NDUFA3: variants seen among roughly 807,000 people sequenced by gnomAD.
NDUFA3 encodes NADH:ubiquinone oxidoreductase subunit A3, also known as NADH dehydrogenase [ubiquinone] 1 alpha subcomplex subunit 3.
Under a neutral mutation model 11.4 loss-of-function variants are expected in NDUFA3, and 10 were observed. The ratio of observed to expected loss-of-function variants is 0.87; its 90% confidence interval spans 0.54 to 1.48. The LOEUF is 1.48. Ranked by LOEUF, NDUFA3 falls within the 40% of genes most tolerant of loss-of-function variation. The probability of loss-of-function intolerance (pLI) is 0.00; values close to 1 mark genes in which losing one functional copy is unlikely to be tolerated. For synonymous variants in NDUFA3, 39 were observed against 46.9 expected (o/e 0.83, Z 0.68); for missense variants, 115 against 110.5 (o/e 1.04, Z -0.18).
rs1293866310 is a variant in NDUFA3 at position 54,106,847 on chromosome 19, C to T, written c.200C>T (p.Pro67Leu). 1.3e-5 allele frequency: 21 copies of T among 1,613,604 alleles called. No homozygotes were observed. The highest frequency in any genetic ancestry group is 1.6e-5 in the Non-Finnish European group (19 of 1,179,914). The change falls in exon 4 of 4, where the codon CCC becomes CTC. Residue 67 changes from proline (P) to leucine (L), a missense_variant. Physicochemically the swap from Pro to Leu is moderately conservative, Grantham distance 98. Coordinates refer to ENST00000485876, the MANE Select transcript of NDUFA3 (RefSeq NM_004542.4). ...VRDDGNMPDVPSHPQDPQGPS... is the reference protein window; with the variant it reads ...VRDDGNMPDVLSHPQDPQGPS... ...GATGATGGGAACATGCCCGACGTGC[C>T]CAGCCACCCCCAGGACCCTCAGGGC...
intron 2 of NDUFA3, among the ~76,000 whole-genome samples, chr19:54,104,859 C>T (rs1483796709): frequency 6.6e-6 from 1 of 151,926 alleles, no homozygotes; most frequent in Non-Finnish European, 1.5e-5. Context: ...CTGTCTCAGC[C>T]TCCTTAGTAG....
In NDUFA3 at chr19:54,103,193, G is replaced by T; in HGVS notation, c.85+5G>T. 6.3e-7 allele frequency: 1 copy of T among 1,589,616 alleles called. No individual in the cohort carries two copies. The highest frequency in any genetic ancestry group is 8.6e-7 in the Non-Finnish European group (1 of 1,164,472). Reference sequence around the variant, plus strand: ...CCTTCGTCGTCGGGGGCCTCGGTGCGTGAGTGCTCCAGGCGCAAACTTGCA... The same window carrying T: ...CCTTCGTCGTCGGGGGCCTCGGTGCTTGAGTGCTCCAGGCGCAAACTTGCA... On this transcript the variant is annotated splice_donor_5th_base_variant and intron_variant, in intron 2 of 3. Transcript: ENST00000485876.
Position 54,106,817 on chromosome 19 carries a change from T to G in NDUFA3, c.170T>G (p.Val57Gly). The G allele has an allele frequency of 6.2e-7, 1 of 1,612,286 alleles. No homozygotes were observed. Among genetic ancestry groups the G allele is most frequent in the Non-Finnish European group, 8.5e-7 (1 of 1,179,432 alleles). ...KATPYNYPVP[V>G]RDDGNMPDVP... ...CCCACCTCCTGCCCCACAGTGCCCGTCCGTGATGATGGGAACATGCCCGAC... is the reference window on the plus strand; with the variant it reads ...CCCACCTCCTGCCCCACAGTGCCCGGCCGTGATGATGGGAACATGCCCGAC... Residue 57 changes from valine (V) to glycine (G), a missense_variant, in exon 4 of 4, where the codon GTC becomes GGC. By Grantham distance (109) the Val-to-Gly change is moderately radical. Transcript: ENST00000485876.
chr19:54,102,872 G>A lies in NDUFA3; in HGVS notation c.-7G>A. On this transcript the variant is annotated 5_prime_UTR_variant, in exon 1 of 4. Coordinates refer to ENST00000485876, the MANE Select transcript of NDUFA3 (RefSeq NM_004542.4). The stretch of plus-strand genomic sequence containing the variant: ...TCCTCGCCGCTGTCGCCGCCGCGGA[G>A]ACAAAGATGGCTGCGAGTAAGTGCA... 6.2e-7 allele frequency: 1 copy of A among 1,610,072 alleles called. No individual in the cohort carries two copies. The highest frequency in any genetic ancestry group is 8.5e-7 in the Non-Finnish European group (1 of 1,177,866).
rs756841507 is a variant in NDUFA3, at chr19:54,105,955, G to C, written c.107G>C (p.Ser36Thr). 47 of 1,613,520 alleles carry C rather than the reference G, an allele frequency of 2.9e-5. No individual in the cohort carries two copies. Among genetic ancestry groups the C allele is most frequent in the Non-Finnish European group, 3.9e-5 (46 of 1,179,630 alleles). ...GGLAVILPPL[S>T]PYFKYSVMIN... ...ACAGCTGTAATTCTGCCCCCATTGA[G>C]CCCCTACTTCAAGTACTCCGTCATG... The change falls in exon 3 of 4, where the codon AGC becomes ACC. Residue 36 changes from serine to threonine, a missense_variant. Physicochemically the swap from Ser to Thr is moderately conservative, Grantham distance 58. Transcript: ENST00000485876.
At chr19:54,103,270 A>T in intron 2 of NDUFA3, 82 bp downstream of exon 2, 1 of 1,397,300 alleles carries the variant, frequency 7.2e-7, no homozygotes, top group South Asian at 1.4e-5. Context: ...CTAAAGCCCT[A>T]TCGCCGCCCT....
At position 54,106,863 on chromosome 19, in the gene NDUFA3, C is replaced by A. The variant is rs1061333; in HGVS notation, c.216C>A (p.Asp72Glu). Residue 72 changes from aspartate to glutamate, a missense_variant, in exon 4 of 4, where the codon GAC (aspartate) becomes GAA (glutamate). Coordinates refer to ENST00000485876, the MANE Select transcript of NDUFA3 (RefSeq NM_004542.4). The part of the protein sequence containing the change: ...NMPDVPSHPQ[D>E]PQGPSLEWLK... ...CCGACGTGCCCAGCCACCCCCAGGA[C>A]CCTCAGGGCCCCAGCCTGGAGTGGC... The A allele has an allele frequency of 1.8e-5, 29 of 1,613,534 alleles. No homozygotes were observed. The highest frequency in any genetic ancestry group is 2.3e-5 in the Non-Finnish European group (27 of 1,179,920).
chr19:54,106,221 CAG>C (rs1169820823), intron 3 of NDUFA3: 11 of 577,048 alleles, frequency 1.9e-5, no homozygotes, highest in Admixed American at 6.3e-5. Context: ...TTTTTTGAGA[CAG>C]AGTCTCGCTC....
chr19:54,103,061 A>T, intron 1 of NDUFA3, 53 bp from the exon 2 acceptor site: 1 of 1,589,076 alleles, frequency 6.3e-7, no homozygotes, highest in African/African-American at 1.3e-5. Flanking sequence ...AGAGGGTTAG[A>T]GGTCACCGGG....
intron 1 of NDUFA3, 27 bp from the exon 2 acceptor site, chr19:54,103,087 G>A: frequency 6.2e-7 from 1 of 1,609,288 alleles, no homozygotes; most frequent in South Asian, 1.1e-5. Context: ...CTACTTGCAG[G>A]GGTGACGCTT....
Position 54,107,310 on chromosome 19 carries a change from G to A in NDUFA3, c.*408G>A. ...GTTGCCCAGGCTGGAGTGCAGTGGTGCCATCATAGTTCACTGCAGCCTCTG... is the reference window on the plus strand; with the variant it reads ...GTTGCCCAGGCTGGAGTGCAGTGGTACCATCATAGTTCACTGCAGCCTCTG... On this transcript the variant is annotated 3_prime_UTR_variant, in exon 4 of 4. Coordinates refer to ENST00000485876, the MANE Select transcript of NDUFA3 (RefSeq NM_004542.4). 8.8e-7 allele frequency: 1 copy of A among 1,141,886 alleles called. No homozygotes were observed. Among genetic ancestry groups the A allele is most frequent in the Non-Finnish European group, 1.2e-6 (1 of 806,300 alleles). 70.7% of individuals were successfully genotyped at this position (1,141,886 alleles called of 1,614,324 possible). A position where few individuals can be genotyped will look rare whatever the true frequency, so the allele number is the denominator to read the frequency against.
Position 54,107,401 on chromosome 19 carries a change from A to T in NDUFA3, c.*499A>T. The T allele has an allele frequency of 1.8e-6, 1 of 554,970 alleles. No individual in the cohort carries two copies. The highest frequency in any genetic ancestry group is 3.1e-5 in the East Asian group (1 of 31,754). 34.4% of individuals were successfully genotyped at this position (554,970 alleles called of 1,614,324 possible). A position where few individuals can be genotyped will look rare whatever the true frequency, so the allele number is the denominator to read the frequency against. On this transcript the variant is annotated 3_prime_UTR_variant, in exon 4 of 4. Coordinates refer to ENST00000485876, the MANE Select transcript of NDUFA3 (RefSeq NM_004542.4). Reference sequence around the variant, plus strand: ...GTAGCTGGGACTACAGGCACTTGCCAACCAAGCCTAACATGTTTTTTCTTT... The same window carrying T: ...GTAGCTGGGACTACAGGCACTTGCCTACCAAGCCTAACATGTTTTTTCTTT...
chr19:54,106,096 AAGCAGTT>A (rs781080686), intron 3 of NDUFA3, 85 bp downstream of exon 3: 38 of 1,357,046 alleles, frequency 2.8e-5, no homozygotes, highest in Non-Finnish European at 3.8e-5. Flanking sequence ...GGTCTTTCCT[AAGCAGTT>A]ATCAGAGATT....
chr19:54,106,178 C>G (rs2073254854), intron 3 of NDUFA3, 167 bp downstream of exon 3: 1 of 658,330 alleles, frequency 1.5e-6, no homozygotes, highest in East Asian at 2.8e-5. Flanking sequence ...GTATACTATT[C>G]TGTGTTTGTG....
In NDUFA3 at chr19:54,107,144, A is replaced by T. The variant is rs139073279; in HGVS notation, c.*242A>T. 1 of 1,613,892 alleles carries T rather than the reference A, an allele frequency of 6.2e-7. No individual in the cohort carries two copies. Among genetic ancestry groups the T allele is most frequent in the African/African-American group, 1.3e-5 (1 of 74,978 alleles). On this transcript the variant is annotated 3_prime_UTR_variant, in exon 4 of 4. Coordinates refer to ENST00000485876, the MANE Select transcript of NDUFA3 (RefSeq NM_004542.4). ...GGAATCCAGGGCCTCATCTGCTTCA[A>T]AGCCAAAGTCTTCCTCAACCTTAAT...
At chr19:54,104,764 G>A (rs866678503) in intron 2 of NDUFA3, among the ~76,000 whole-genome samples, 2 of 151,214 alleles carry the variant, frequency 1.3e-5, no homozygotes, top group Admixed American at 6.6e-5. Flanking sequence ...TTTTTGAGAC[G>A]GAGTTTCGCT....
rs2073299842 is a variant in NDUFA3, at chr19:54,107,356, C to T, written c.*454C>T. The T allele has an allele frequency of 4.1e-6, 3 of 723,292 alleles. No individual in the cohort carries two copies. Among genetic ancestry groups the T allele is most frequent in the Non-Finnish European group, 6.6e-6 (3 of 451,396 alleles). 44.8% of individuals were successfully genotyped at this position (723,292 alleles called of 1,614,324 possible). On this transcript the variant is annotated 3_prime_UTR_variant, in exon 4 of 4. Transcript: ENST00000485876. Reference sequence around the variant, plus strand: ...CTCTGCCTCCCAGGCTCAAGTGATCCTCCCACCTCAGCTTCCCAAGTAGCT... The same window carrying T: ...CTCTGCCTCCCAGGCTCAAGTGATCTTCCCACCTCAGCTTCCCAAGTAGCT...
At chr19:54,105,215 T>C (rs1382605874) in intron 2 of NDUFA3, among the ~76,000 whole-genome samples, 1 of 150,162 alleles carries the variant, frequency 6.7e-6, no homozygotes, top group African/African-American at 2.5e-5. Context: ...AAATGGACTG[T>C]GGTCAGTGAC....
intron 2 of NDUFA3, among the ~76,000 whole-genome samples, chr19:54,103,454 A>G (rs2073155027): frequency 6.6e-6 from 1 of 151,998 alleles, no homozygotes; most frequent in African/African-American, 2.4e-5. Context: ...TGAGCACCAA[A>G]AAAAAGTCCA....
Sources: allele counts gnomAD v4.1 joint callset (sites outside exome capture counted in the v4.1 genomes callset), GRCh38; gene constraint gnomAD v4.1.1; transcripts MANE v1.5; gene names NCBI Gene and HGNC (gene_info 2026-07-23, HGNC 2026-07-21).